The following ELL2 variants were observed in gnomAD, a reference collection of about 807,000 sequenced individuals.
The protein encoded by ELL2 is elongation factor for RNA polymerase II 2.
A neutral mutation model predicts 72.8 loss-of-function variants in ELL2; 21 were observed. The observed-to-expected ratio is 0.29, with a 90% CI of 0.20 to 0.42. ELL2 has a LOEUF of 0.42. Among genes scored for constraint, ELL2 ranks in the 10% least tolerant of loss-of-function variants. ELL2 has a pLI of 1.00. For missense variants in ELL2, 568 were observed against 772.8 expected, an observed-to-expected ratio of 0.73 and a Z score of 3.14; for synonymous variants, 266 against 283.2, an observed-to-expected ratio of 0.94 and a Z score of 0.61.
rs1749374399 is a variant in ELL2, at chr5:95,906,693, T to C, written c.571A>G (p.Thr191Ala). 6.2e-7 allele frequency: 1 copy of C among 1,614,120 alleles called. No homozygotes were observed. Among genetic ancestry groups the C allele is most frequent in the South Asian group, 1.1e-5 (1 of 91,080 alleles). Residue 191 changes from threonine (T) to alanine (A), a missense_variant, in exon 5 of 12, where the codon ACA (threonine) becomes GCA (alanine). By Grantham distance (58) the Thr-to-Ala change is moderately conservative. Around this residue, in one of 2 missense-constraint regions of ELL2, gnomAD observed 511 missense variants for 728.4 expected, o/e 0.70. Coordinates refer to ENST00000237853, the MANE Select transcript of ELL2 (RefSeq NM_012081.6). Reference protein sequence around the residue: ...KRSTPMNPANTIRKTHSSSTI... With the variant: ...KRSTPMNPANAIRKTHSSSTI... ...CTGCTGCTATGTGTCTTTCGAATTGTATTTGCAGGGTTCATGGGGGTTGAC... is the reference window on the plus strand; with the variant it reads ...CTGCTGCTATGTGTCTTTCGAATTGCATTTGCAGGGTTCATGGGGGTTGAC...
chr5:95,931,003 G>A (rs370664085), intron 2 of ELL2, among the ~76,000 whole-genome samples: 1 of 151,874 alleles, frequency 6.6e-6, no homozygotes, highest in Non-Finnish European at 1.5e-5. Context: ...TTTTTAAAAC[G>A]CTTTCTTTAG....
chr5:95,939,367 C>T (rs1486351758), intron 2 of ELL2, among the ~76,000 whole-genome samples: 1 of 152,122 alleles, frequency 6.6e-6, no homozygotes, highest in Non-Finnish European at 1.5e-5. Flanking sequence ...CATGCCCATC[C>T]CTGCATCTTT....
rs754587895 is a variant in ELL2 at position 95,961,563 on chromosome 5, C to T, written c.147+12G>A. The T allele has an allele frequency of 1.3e-6, 2 of 1,572,606 alleles. No individual in the cohort carries two copies. The highest frequency in any genetic ancestry group is 2.5e-5 in the East Asian group (1 of 40,610). On this transcript the variant is annotated intron_variant, in intron 1 of 11. Transcript: ENST00000237853. ...GCCTCTCTGAGCCCAGCCTGCCGGC[C>T]GGCCCGCTCACCTTGTGGCTCTGGT...
At chr5:95,929,172 C>T (rs1024706023) in intron 2 of ELL2, among the ~76,000 whole-genome samples, 2 of 152,140 alleles carry the variant, frequency 1.3e-5, no homozygotes, top group African/African-American at 4.8e-5. Flanking sequence ...GCTGCCTTCA[C>T]TACATTGTAT....
chr5:95,914,539 G>A (rs1749713788), intron 3 of ELL2, among the ~76,000 whole-genome samples: 1 of 152,050 alleles, frequency 6.6e-6, no homozygotes, highest in African/African-American at 2.4e-5. Context: ...GAAAACACAG[G>A]GCAAATGATT....
chr5:95,909,870 T>C lies in ELL2; in HGVS notation c.482-3088A>G, dbSNP rs961900853. 2.6e-5 allele frequency among the ~76,000 whole-genome samples: 4 copies of C among 152,198 alleles called. No individual in the cohort carries two copies. In the South Asian group the frequency reaches 8.3e-4, roughly 31 times the overall value. ...AGTCTGAAAGGAAGGTGTTAAAACA[T>C]CCATCACAAAGACAGAAGGGACTGC... On this transcript the variant is annotated intron_variant, in intron 4 of 11. Coordinates refer to ENST00000237853, the MANE Select transcript of ELL2 (RefSeq NM_012081.6).
chr5:95,919,404 G>A lies in ELL2; in HGVS notation c.317+20C>T, dbSNP rs771454008. 6.4e-7 allele frequency: 1 copy of A among 1,571,202 alleles called. No individual in the cohort carries two copies. The highest frequency in any genetic ancestry group is 2.3e-5 in the East Asian group (1 of 42,706). On this transcript the variant is annotated intron_variant, in intron 3 of 11. Transcript: ENST00000237853. ...AAATAAAAAATTTTTCCCCTTCAGT[G>A]TACCTTGAAAAGTACTTACCTGGAG...
intron 3 of ELL2, 56 bp from the exon 4 acceptor site, chr5:95,913,990 G>A: frequency 6.9e-7 from 1 of 1,456,238 alleles, no homozygotes. Flanking sequence ...TACAATAAAG[G>A]CAAACAAGAA....
At chr5:95,953,071 G>A (rs570799703) in intron 1 of ELL2, among the ~76,000 whole-genome samples, 8 of 152,310 alleles carry the variant, frequency 5.3e-5, no homozygotes, top group Middle Eastern at 6.8e-3. Flanking sequence ...TAACCTCACG[G>A]GTGTGGTGGA....
chr5:95,937,199 T>C (rs1750806707), intron 2 of ELL2, among the ~76,000 whole-genome samples: 1 of 152,182 alleles, frequency 6.6e-6, no homozygotes. Flanking sequence ...CTTGTCTTGC[T>C]GTAGCTCACA....
chr5:95,928,998 C>T lies in ELL2; in HGVS notation c.196-9453G>A, dbSNP rs905891582. On this transcript the variant is annotated intron_variant, in intron 2 of 11. Coordinates refer to ENST00000237853, the MANE Select transcript of ELL2 (RefSeq NM_012081.6). ...ACCGTGCTTGCTGGGTGCCGGAACA[C>T]GCTACTCTGTGTCCCCACTTCTTGC... Among the ~76,000 whole-genome samples the T allele has an allele frequency of 3.9e-5, 6 of 152,164 alleles. No individual in the cohort carries two copies. The East Asian group carries it at 5.8e-4, about 15-fold the overall frequency.
chr5:95,914,581 C>T (rs757085540), intron 3 of ELL2, among the ~76,000 whole-genome samples: 6 of 152,014 alleles, frequency 3.9e-5, no homozygotes, highest in Admixed American at 1.3e-4. Flanking sequence ...AGGCCAGGCA[C>T]GGTGGCTCAT....
At chr5:95,889,625 T>G (rs1377573408) in intron 10 of ELL2, among the ~76,000 whole-genome samples, 1 of 152,192 alleles carries the variant, frequency 6.6e-6, no homozygotes, top group African/African-American at 2.4e-5. Flanking sequence ...ACTTGTAAGA[T>G]GCTCATTTCT....
chr5:95,915,191 C>T (rs1343692243), intron 3 of ELL2, among the ~76,000 whole-genome samples: 4 of 152,188 alleles, frequency 2.6e-5, no homozygotes, highest in South Asian at 2.1e-4. Flanking sequence ...CAAGCTCTGC[C>T]TCCCGGGTTC....
At chr5:95,946,943 A>G (rs903877087) in intron 1 of ELL2, among the ~76,000 whole-genome samples, 7 of 152,246 alleles carry the variant, frequency 4.6e-5, no homozygotes, top group Admixed American at 1.3e-4. Context: ...GTACCTGGAA[A>G]ATGAATGCCC....
intron 7 of ELL2, chr5:95,900,282 G>A (rs896725883): frequency 2.0e-5 from 3 of 153,362 alleles, no homozygotes; most frequent in African/African-American, 7.2e-5. Context: ...TTGTTTATTT[G>A]TTGATTGTAA....
chr5:95,895,602 C>T (rs1005632884), intron 9 of ELL2, 26 bp downstream of exon 9: 3 of 1,604,412 alleles, frequency 1.9e-6, no homozygotes, highest in Admixed American at 3.3e-5. Context: ...AAGCCGCTCT[C>T]TCCATTGGCA....
At chr5:95,903,976 C>T (rs771082470) in intron 5 of ELL2, among the ~76,000 whole-genome samples, 2 of 152,178 alleles carry the variant, frequency 1.3e-5, no homozygotes, top group African/African-American at 2.4e-5. Flanking sequence ...TACACCTAAC[C>T]GTTAGCAAGT....
In ELL2 at chr5:95,891,171, C is replaced by G; in HGVS notation, c.1693G>C (p.Val565Leu). Reference protein sequence around the residue: ...YRALHARMETVARRFIKLDAQ... With the variant: ...YRALHARMETLARRFIKLDAQ... ...TCTAGTTTGATAAATCTTCTAGCTA[C>G]AGTCTCCATCCTGGCATGCAAAGCT... The change falls in exon 10 of 12, where the codon GTA (valine) becomes CTA (leucine). Residue 565 changes from valine (V) to leucine (L), a missense_variant. By Grantham distance (32) the Val-to-Leu change is conservative. Around this residue, in one of 2 missense-constraint regions of ELL2, gnomAD observed 511 missense variants for 728.4 expected, o/e 0.70. Coordinates refer to ENST00000237853, the MANE Select transcript of ELL2 (RefSeq NM_012081.6). 1.9e-6 allele frequency: 3 copies of G among 1,614,164 alleles called. No homozygotes were observed. Among genetic ancestry groups the G allele is most frequent in the Non-Finnish European group, 2.5e-6 (3 of 1,180,034 alleles).
Sources: gnomAD v4.1 joint callset for allele counts (sites outside exome capture counted in the v4.1 genomes callset) on GRCh38, gnomAD v4.1.1 for gene constraint, gnomAD v4.1.1 regional missense constraint, MANE v1.5 for transcripts, NCBI Gene and HGNC (gene_info 2026-07-23, HGNC 2026-07-21) for gene names.